LRMDA: variants seen among roughly 807,000 people sequenced by gnomAD.
LRMDA encodes the protein leucine-rich melanocyte differentiation-associated protein.
LRMDA carries 18 observed loss-of-function variants against 29.8 expected under a neutral mutation model. The observed-to-expected ratio is 0.60, with a 90% CI of 0.42 to 0.90. The LOEUF (loss-of-function observed/expected upper bound fraction) is 0.90, where lower values mean the gene tolerates loss of function less well. Ranked by LOEUF, LRMDA falls within the 40% of genes least tolerant of loss-of-function variation. The pLI, the probability that LRMDA is intolerant of heterozygous loss-of-function variation, is 0.00. For missense variants in LRMDA, 273 were observed against 273.9 expected, an observed-to-expected ratio of 1.00 and a Z score of 0.02; for synonymous variants, 125 against 109.4, an observed-to-expected ratio of 1.14 and a Z score of -0.89.
chr10:76,382,015 T>G (rs999792938), intron 6 of LRMDA, among the ~76,000 whole-genome samples: 1 of 152,218 alleles, frequency 6.6e-6, no homozygotes, highest in Admixed American at 6.5e-5. Context: ...AGAAACGTTG[T>G]CCATCATGTT....
chr10:75,926,794 G>A (rs1846127592), intron 2 of LRMDA, among the ~76,000 whole-genome samples: 1 of 152,162 alleles, frequency 6.6e-6, no homozygotes, highest in Non-Finnish European at 1.5e-5. Flanking sequence ...TCTACTCAGT[G>A]GGCTGTTTCC....
chr10:75,840,980 A>G (rs1844530601), intron 2 of LRMDA, among the ~76,000 whole-genome samples: 1 of 152,226 alleles, frequency 6.6e-6, no homozygotes, highest in African/African-American at 2.4e-5. Context: ...CAATATCTCT[A>G]CTGTCATAGA....
chr10:75,762,552 C>T (rs944222668), intron 2 of LRMDA, among the ~76,000 whole-genome samples: 10 of 152,184 alleles, frequency 6.6e-5, no homozygotes, highest in African/African-American at 1.7e-4. Flanking sequence ...CCTTGTAAAC[C>T]GCTGTGGACT....
At chr10:75,479,277 G>A (rs911311495) in intron 2 of LRMDA, among the ~76,000 whole-genome samples, 2 of 152,112 alleles carry the variant, frequency 1.3e-5, no homozygotes, top group Non-Finnish European at 2.9e-5. Flanking sequence ...GGAGGCCGAG[G>A]CGGGTGGATC....
At chr10:75,658,697 A>G (rs183621376) in intron 2 of LRMDA, among the ~76,000 whole-genome samples, 1 of 152,362 alleles carries the variant, frequency 6.6e-6, no homozygotes, top group Non-Finnish European at 1.5e-5. Flanking sequence ...GAAAATGCTG[A>G]GTCAGAATCA....
At chr10:75,799,833 G>GT (rs1292937730) in intron 2 of LRMDA, among the ~76,000 whole-genome samples, 3 of 151,666 alleles carry the variant, frequency 2.0e-5, no homozygotes, top group Non-Finnish European at 2.9e-5. Flanking sequence ...TCAGCATGTT[G>GT]TTTTTTTCCC....
At chr10:76,293,366 T>G (rs1450247799) in intron 5 of LRMDA, among the ~76,000 whole-genome samples, 1 of 152,234 alleles carries the variant, frequency 6.6e-6, no homozygotes, top group Non-Finnish European at 1.5e-5. Context: ...AGGGTAATGT[T>G]TGCCTTATGA....
At chr10:76,128,194 G>A (rs757803119) in intron 5 of LRMDA, among the ~76,000 whole-genome samples, 2 of 152,180 alleles carry the variant, frequency 1.3e-5, no homozygotes, top group Admixed American at 6.5e-5. Context: ...TTTCCAGGTC[G>A]GGAAAAGCGG....
chr10:76,042,197 A>G (rs1454245389), intron 3 of LRMDA, among the ~76,000 whole-genome samples: 1 of 152,214 alleles, frequency 6.6e-6, no homozygotes, highest in East Asian at 1.9e-4. Context: ...TAGAGCATGC[A>G]TGCAGGGAGG....
At chr10:75,969,239 TG>T (rs1846922626) in intron 2 of LRMDA, among the ~76,000 whole-genome samples, 2 of 152,356 alleles carry the variant, frequency 1.3e-5, no homozygotes, top group South Asian at 2.1e-4. Context: ...GGCTCTCAGC[TG>T]CTTCTTTTCT....
intron 2 of LRMDA, among the ~76,000 whole-genome samples, chr10:75,908,107 G>A (rs1228534407): frequency 2.0e-5 from 3 of 152,194 alleles, no homozygotes; most frequent in Admixed American, 2.0e-4. Context: ...ATTTTCCATA[G>A]CCTTTATTGT....
chr10:75,431,657 C>G lies in LRMDA; in HGVS notation c.-68C>G. 1 of 1,224,730 alleles carries G rather than the reference C, an allele frequency of 8.2e-7. No individual in the cohort carries two copies. The highest frequency in any genetic ancestry group is 3.5e-5 in the South Asian group (1 of 28,236). The allele number at this position is 1,224,730 out of a possible 1,614,324, so 75.9% of individuals were successfully genotyped here. On this transcript the variant is annotated 5_prime_UTR_variant, in exon 1 of 7. Transcript: ENST00000611255. ...ACTGTGCGCCCGCCGCGCTCCCCTG[C>G]CGCGCTCCCCGCTGCTGCCGCCGCG...
chr10:75,938,978 C>T (rs751348489), intron 2 of LRMDA, among the ~76,000 whole-genome samples: 8 of 152,070 alleles, frequency 5.3e-5, no homozygotes, highest in Non-Finnish European at 8.8e-5. Context: ...GAGCACTGGC[C>T]TGTTTCAATA....
chr10:76,146,290 G>T (rs905166004), intron 5 of LRMDA, among the ~76,000 whole-genome samples: 3 of 151,824 alleles, frequency 2.0e-5, no homozygotes, highest in East Asian at 1.9e-4. Flanking sequence ...TGACAGTGGG[G>T]TGTTAAAGTC....
chr10:76,270,877 T>C (rs1439348156), intron 5 of LRMDA: 1 of 152,254 alleles, frequency 6.6e-6, no homozygotes, highest in East Asian at 1.9e-4. Context: ...CGCCATGATA[T>C]ACACTTAAGA....
At chr10:75,679,369 A>G (rs1841998127) in intron 2 of LRMDA, among the ~76,000 whole-genome samples, 1 of 152,090 alleles carries the variant, frequency 6.6e-6, no homozygotes, top group Admixed American at 6.6e-5. Flanking sequence ...CCTAATTTGA[A>G]GAAATTGAGG....
At chr10:75,627,340 T>C (rs1246236442) in intron 2 of LRMDA, among the ~76,000 whole-genome samples, 2 of 152,220 alleles carry the variant, frequency 1.3e-5, no homozygotes, top group East Asian at 1.9e-4. Context: ...GGGATTTTCC[T>C]TGGAAACTGT....
intron 2 of LRMDA, among the ~76,000 whole-genome samples, chr10:75,788,251 T>C (rs1477766876): frequency 1.3e-5 from 2 of 152,232 alleles, no homozygotes; most frequent in Non-Finnish European, 2.9e-5. Context: ...TTTTAGTTTC[T>C]TTTACAAAAA....
At chr10:75,724,056 A>C (rs1283374422) in intron 2 of LRMDA, among the ~76,000 whole-genome samples, 1 of 152,222 alleles carries the variant, frequency 6.6e-6, no homozygotes, top group Non-Finnish European at 1.5e-5. Flanking sequence ...AGATGCAAAA[A>C]ATTATTATTT....
Sources: allele counts gnomAD v4.1 joint callset (sites outside exome capture counted in the v4.1 genomes callset), GRCh38; gene constraint gnomAD v4.1.1; transcripts MANE v1.5; gene names NCBI Gene and HGNC (gene_info 2026-07-23, HGNC 2026-07-21).